DACH1: variants seen among roughly 807,000 people sequenced by gnomAD.
DACH1 encodes dachshund homolog 1.
A neutral mutation model predicts 54.2 loss-of-function variants in DACH1; 12 were observed. The ratio of observed to expected loss-of-function variants is 0.22; its 90% confidence interval spans 0.14 to 0.36. DACH1 has a LOEUF of 0.36. DACH1 is among the 10% of genes least tolerant of loss of function. DACH1 has a pLI of 1.00. For synonymous variants in DACH1, 386 were observed against 366.2 expected (o/e 1.05, Z -0.62); for missense variants, 805 against 929.8 (o/e 0.87, Z 1.75).
chr13:71,807,307 T>A (rs1887539910), intron 1 of DACH1, among the ~76,000 whole-genome samples: 1 of 151,776 alleles, frequency 6.6e-6, no homozygotes, highest in Non-Finnish European at 1.5e-5. Flanking sequence ...AGTTCAGTAC[T>A]GTAGTTTCAG....
At chr13:71,765,884 A>AT (rs10610275) in intron 1 of DACH1, among the ~76,000 whole-genome samples, 1,174 of 103,922 alleles carry the variant, frequency 0.011, 27 homozygotes, top group African/African-American at 0.037. Context: ...CTTCTTCTTC[A>AT]TTTTTTTTTT....
At position 71,561,721 on chromosome 13, in the gene DACH1, C is replaced by T. The variant is rs149876107; in HGVS notation, c.1300-1766G>A. Among the ~76,000 whole-genome samples, 24 of 152,180 alleles carry T rather than the reference C, an allele frequency of 1.6e-4. 1 individual carries two copies. Among genetic ancestry groups the T allele is most frequent in the African/African-American group, 3.4e-4 (14 of 41,542 alleles). ...TAGGTCTAAAATGGGACCCAGACTT[C>T]GGTATCTTTTTAAAAGCTCTCCCTA... is the stretch of plus-strand genomic sequence containing the variant. On this transcript the variant is annotated intron_variant, in intron 4 of 10. Transcript: ENST00000613252.
chr13:71,549,430 T>C lies in DACH1; in HGVS notation c.1570+7594A>G, dbSNP rs144544746. Among the ~76,000 whole-genome samples, 773 of 152,266 alleles carry C rather than the reference T, an allele frequency of 5.1e-3. 9 individuals are homozygous for C. The highest frequency in any genetic ancestry group is 0.018 in the African/African-American group (747 of 41,554). On this transcript the variant is annotated intron_variant, in intron 6 of 10. Coordinates refer to ENST00000613252, the MANE Select transcript of DACH1 (RefSeq NM_080759.6). ...AGTTTTTTTAAATGCGGAAAAGGCA[T>C]CTCATCTGATCACAAGTAAAACTAC...
At chr13:71,445,296 T>A (rs1389312031) in intron 10 of DACH1, among the ~76,000 whole-genome samples, 1 of 152,226 alleles carries the variant, frequency 6.6e-6, no homozygotes, top group African/African-American at 2.4e-5. Context: ...TCTCTTAGAT[T>A]TGTAAAATAT....
At chr13:71,567,103 T>G (rs1342200897) in intron 4 of DACH1, among the ~76,000 whole-genome samples, 1 of 152,074 alleles carries the variant, frequency 6.6e-6, no homozygotes, top group African/African-American at 2.4e-5. Flanking sequence ...CAATGTTTAA[T>G]TCTTTAAATG....
At chr13:71,686,932 T>C (rs781318229) in intron 1 of DACH1, among the ~76,000 whole-genome samples, 2 of 152,140 alleles carry the variant, frequency 1.3e-5, no homozygotes, top group Non-Finnish European at 2.9e-5. Context: ...GTTTCAATAA[T>C]AAAGACACAA....
In DACH1 at chr13:71,509,096, G is replaced by A. The variant is rs560307470; in HGVS notation, c.1571-19948C>T. Among the ~76,000 whole-genome samples, 11 of 152,104 alleles carry A rather than the reference G, an allele frequency of 7.2e-5. No homozygotes were observed. In the South Asian group the frequency reaches 1.9e-3, roughly 26 times the overall value. ...TATATTTAACCTTAACAGGTGCATT[G>A]CTTTTGACTGATCTTTCTACTACCA... On this transcript the variant is annotated intron_variant, in intron 6 of 10. Transcript: ENST00000613252.
intron 6 of DACH1, among the ~76,000 whole-genome samples, chr13:71,492,948 T>C (rs145285162): frequency 2.0e-5 from 3 of 152,160 alleles, no homozygotes; most frequent in African/African-American, 4.8e-5. Flanking sequence ...CACATTCCAA[T>C]TGTATTATTT....
intron 6 of DACH1, among the ~76,000 whole-genome samples, chr13:71,529,593 C>A (rs1882276128): frequency 6.6e-6 from 1 of 152,122 alleles, no homozygotes; most frequent in Non-Finnish European, 1.5e-5. Flanking sequence ...TTGTGCTATG[C>A]TGTTGGAAAA....
At chr13:71,724,596 T>A (rs1026081023) in intron 1 of DACH1, among the ~76,000 whole-genome samples, 3 of 152,150 alleles carry the variant, frequency 2.0e-5, no homozygotes, top group Non-Finnish European at 2.9e-5. Flanking sequence ...AATTTTTTTA[T>A]ACACAGCAAA....
chr13:71,545,587 G>A (rs1883414060), intron 6 of DACH1, among the ~76,000 whole-genome samples: 2 of 150,506 alleles, frequency 1.3e-5, no homozygotes, highest in Admixed American at 6.6e-5. Flanking sequence ...AGGAAGGGAG[G>A]GAGGAAGGAA....
At chr13:71,511,473 C>G (rs1880771448) in intron 6 of DACH1, among the ~76,000 whole-genome samples, 1 of 151,806 alleles carries the variant, frequency 6.6e-6, no homozygotes. Flanking sequence ...AATATGAGTG[C>G]TTGATAATGG....
chr13:71,824,395 T>C (rs1888304467), intron 1 of DACH1, among the ~76,000 whole-genome samples: 2 of 151,976 alleles, frequency 1.3e-5, no homozygotes, highest in South Asian at 4.1e-4. Context: ...GAACTTTCCC[T>C]AATACTCTGA....
At chr13:71,788,875 C>T (rs1886719868) in intron 1 of DACH1, among the ~76,000 whole-genome samples, 1 of 152,064 alleles carries the variant, frequency 6.6e-6, no homozygotes, top group Non-Finnish European at 1.5e-5. Context: ...ACAATTGATT[C>T]TAAATGTTTA....
At chr13:71,521,481 C>G (rs1179732022) in intron 6 of DACH1, among the ~76,000 whole-genome samples, 1 of 151,916 alleles carries the variant, frequency 6.6e-6, no homozygotes, top group Non-Finnish European at 1.5e-5. Context: ...AAATTTTAAA[C>G]CTATTTTAAA....
intron 10 of DACH1, among the ~76,000 whole-genome samples, chr13:71,457,330 T>C (rs1875660528): frequency 6.6e-6 from 1 of 152,036 alleles, no homozygotes; most frequent in Non-Finnish European, 1.5e-5. Context: ...CACTTTGTCA[T>C]AGATAAAATC....
intron 2 of DACH1, among the ~76,000 whole-genome samples, chr13:71,644,724 G>A (rs895044723): frequency 2.6e-5 from 4 of 152,134 alleles, no homozygotes; most frequent in African/African-American, 4.8e-5. Flanking sequence ...CTTCATTCCA[G>A]GGACATGTCC....
intron 1 of DACH1, among the ~76,000 whole-genome samples, chr13:71,723,702 GT>G (rs1463682773): frequency 6.6e-6 from 1 of 151,900 alleles, no homozygotes. Flanking sequence ...GTTTTGTTTT[GT>G]TTTTTGAGAC....
At chr13:71,704,456 A>G in intron 1 of DACH1, 1 of 361,214 alleles carries the variant, frequency 2.8e-6, no homozygotes, top group Non-Finnish European at 5.4e-6. Flanking sequence ...CGTACTGAGT[A>G]TATGAAGAAC....
Sources: gnomAD v4.1 joint callset for allele counts (sites outside exome capture counted in the v4.1 genomes callset) on GRCh38, gnomAD v4.1.1 for gene constraint, MANE v1.5 for transcripts, NCBI Gene and HGNC (gene_info 2026-07-23, HGNC 2026-07-21) for gene names.